MPP7: variants seen among roughly 807,000 people sequenced by gnomAD.
MPP7 encodes the protein MAGUK p55 scaffold protein 7, also known as MAGUK p55 subfamily member 7.
Under a neutral mutation model 76.5 loss-of-function variants are expected in MPP7, and 60 were observed. The observed-to-expected ratio is 0.78, with a 90% CI of 0.64 to 0.97. MPP7 has a LOEUF of 0.97. Ranked by LOEUF, MPP7 falls within the 50% of genes least tolerant of loss-of-function variation. The probability of loss-of-function intolerance (pLI) is 0.00; values close to 1 mark genes in which losing one functional copy is unlikely to be tolerated. For missense variants in MPP7, 641 were observed against 694.0 expected, an observed-to-expected ratio of 0.92 and a Z score of 0.86; for synonymous variants, 237 against 244.5, an observed-to-expected ratio of 0.97 and a Z score of 0.29.
chr10:28,163,069 T>C (rs1268727078), intron 3 of MPP7, among the ~76,000 whole-genome samples: 1 of 152,098 alleles, frequency 6.6e-6, no homozygotes, highest in African/African-American at 2.4e-5. Flanking sequence ...GACACAGTCA[T>C]AGGGTCCAGG....
chr10:28,258,402 ATAT>A (rs1276417110), intron 1 of MPP7, among the ~76,000 whole-genome samples: 4 of 133,418 alleles, frequency 3.0e-5, no homozygotes, highest in Non-Finnish European at 1.6e-5. Flanking sequence ...ATATATATAT[ATAT>A]AAATTTTTTT....
intron 11 of MPP7, among the ~76,000 whole-genome samples, chr10:28,098,476 TA>T (rs1418088679): frequency 6.6e-6 from 1 of 151,840 alleles, no homozygotes; most frequent in Non-Finnish European, 1.5e-5. Context: ...TTACTTGTTC[TA>T]TTTTTCAAAC....
intron 3 of MPP7, among the ~76,000 whole-genome samples, chr10:28,201,285 G>C (rs1417365105): frequency 2.0e-5 from 3 of 152,076 alleles, no homozygotes; most frequent in African/African-American, 7.2e-5. Flanking sequence ...CTCAGAAATT[G>C]CTCATTTTCT....
chr10:28,179,326 C>G (rs896395387), intron 3 of MPP7, among the ~76,000 whole-genome samples: 5 of 152,264 alleles, frequency 3.3e-5, no homozygotes, highest in African/African-American at 9.6e-5. Flanking sequence ...GTCCCTATCT[C>G]AGTAATAATT....
chr10:28,152,236 C>T (rs1835907227), intron 3 of MPP7, among the ~76,000 whole-genome samples: 1 of 152,124 alleles, frequency 6.6e-6, no homozygotes, highest in Non-Finnish European at 1.5e-5. Context: ...CCCTAGCCTG[C>T]CCACTCCTGG....
chr10:28,303,277 C>T (rs1463099806), upstream of MPP7: 2 of 152,346 alleles, frequency 1.3e-5, no homozygotes, highest in Non-Finnish European at 2.9e-5. Flanking sequence ...TCCTCATACC[C>T]GCAGTCCCCG....
At chr10:28,240,087 G>C (rs1269768011) in intron 1 of MPP7, among the ~76,000 whole-genome samples, 1 of 152,088 alleles carries the variant, frequency 6.6e-6, no homozygotes, top group African/African-American at 2.4e-5. Context: ...GCTAATAACA[G>C]AGAAAGTACT....
chr10:28,181,105 G>T (rs1796155485), intron 3 of MPP7, among the ~76,000 whole-genome samples: 1 of 151,900 alleles, frequency 6.6e-6, no homozygotes, highest in South Asian at 2.1e-4. Context: ...TTACTTTTAG[G>T]TTCTTTATAA....
intron 1 of MPP7, among the ~76,000 whole-genome samples, chr10:28,260,898 T>C (rs1839930624): frequency 6.6e-6 from 1 of 152,152 alleles, no homozygotes; most frequent in African/African-American, 2.4e-5. Context: ...TGATTTATTT[T>C]ATGCCCAATT....
intron 11 of MPP7, among the ~76,000 whole-genome samples, chr10:28,110,035 G>A (rs1362148943): frequency 1.3e-5 from 2 of 150,912 alleles, no homozygotes; most frequent in Admixed American, 1.3e-4. Context: ...TCTTGATGCA[G>A]TTCCAAGAAA....
chr10:28,195,320 G>A (rs909732335), intron 3 of MPP7, among the ~76,000 whole-genome samples: 1 of 152,176 alleles, frequency 6.6e-6, no homozygotes, highest in African/African-American at 2.4e-5. Context: ...CAGCCACTTA[G>A]AAAAATAGTC....
intron 1 of MPP7, among the ~76,000 whole-genome samples, chr10:28,294,243 C>A (rs1040261825): frequency 6.6e-5 from 10 of 152,096 alleles, no homozygotes; most frequent in African/African-American, 2.4e-4. Flanking sequence ...GGAGGTGGAA[C>A]CTGCAGTGAG....
chr10:28,317,502 G>A (rs544221121), intron 2 of MPP7, among the ~76,000 whole-genome samples: 1 of 152,296 alleles, frequency 6.6e-6, no homozygotes, highest in African/African-American at 2.4e-5. Context: ...TTGCATCCCA[G>A]GCTGGATGAC....
At chr10:28,177,302 C>T (rs1031575256) in intron 3 of MPP7, among the ~76,000 whole-genome samples, 22 of 147,084 alleles carry the variant, frequency 1.5e-4, no homozygotes, top group Admixed American at 1.4e-3. Context: ...GGCATGGTGG[C>T]GCGGCTGAGG....
chr10:28,230,287 C>T (rs58057536), intron 2 of MPP7, among the ~76,000 whole-genome samples: 26,390 of 151,950 alleles, frequency 0.17, 2,597 homozygotes, highest in African/African-American at 0.26. Context: ...TCAGTCATTA[C>T]GTTAACTGTA....
At chr10:28,240,074 CT>C (rs1275050076) in intron 1 of MPP7, among the ~76,000 whole-genome samples, 1 of 152,048 alleles carries the variant, frequency 6.6e-6, no homozygotes, top group Non-Finnish European at 1.5e-5. Context: ...TGGATCACCC[CT>C]GGCTAATAAC....
intron 2 of MPP7, among the ~76,000 whole-genome samples, chr10:28,325,794 G>A (rs1049265700): frequency 1.3e-5 from 2 of 151,768 alleles, no homozygotes; most frequent in Admixed American, 6.6e-5. Context: ...GCGCCTGGCC[G>A]CAAGACCACA....
chr10:28,149,636 A>G (rs1835814264), intron 4 of MPP7, among the ~76,000 whole-genome samples: 1 of 152,120 alleles, frequency 6.6e-6, no homozygotes, highest in Non-Finnish European at 1.5e-5. Context: ...GAGCTATCTC[A>G]TTTGTCTTTA....
intron 3 of MPP7, among the ~76,000 whole-genome samples, chr10:28,182,988 G>C (rs1159152470): frequency 6.6e-6 from 1 of 152,216 alleles, no homozygotes; most frequent in African/African-American, 2.4e-5. Flanking sequence ...TGAGGCAAGA[G>C]AATCGCTTGA....
Sources: gnomAD v4.1 joint callset for allele counts (sites outside exome capture counted in the v4.1 genomes callset) on GRCh38, gnomAD v4.1.1 for gene constraint, MANE v1.5 for transcripts, NCBI Gene and HGNC (gene_info 2026-07-23, HGNC 2026-07-21) for gene names.